The following LRBA variants were observed in gnomAD, a reference collection of about 807,000 sequenced individuals.
LRBA encodes lipopolysaccharide-responsive and beige-like anchor protein.
LRBA carries 176 observed loss-of-function variants against 330.0 expected under a neutral mutation model. The ratio of observed to expected loss-of-function variants is 0.53; its 90% CI spans 0.47 to 0.60. LRBA has a LOEUF of 0.60. LRBA is among the 20% of genes least tolerant of loss of function. The pLI is 0.00. For missense variants in LRBA, 3,259 were observed against 3,444.8 expected (o/e 0.95, Z 1.35); for synonymous variants, 1,230 against 1,193.0 (o/e 1.03, Z -0.64).
Position 150,844,757 on chromosome 4 carries a change from A to C in LRBA, c.4362T>G (p.Asn1454Lys). ...LRLVCAVAVR[N>K]CLECQQHSQL... ...GTGAATGCTGTTGACACTCCAAGCA[A>C]TTCCTTACTGCGACTGCACAAACTG... Residue 1454 changes from asparagine to lysine, a missense_variant, in exon 27 of 57, where the codon AAT becomes AAG. By Grantham distance (94) the Asn-to-Lys change is moderately conservative (BLOSUM62 0). Transcript: ENST00000651943. 1 of 1,613,212 alleles carries C rather than the reference A, an allele frequency of 6.2e-7. No homozygotes were observed.
intron 48 of LRBA, among the ~76,000 whole-genome samples, chr4:150,330,070 C>A (rs546308542): frequency 6.6e-6 from 1 of 152,278 alleles, no homozygotes; most frequent in East Asian, 1.9e-4. Flanking sequence ...TCAAGTGATT[C>A]CAGTAATTAA....
At position 150,936,049 on chromosome 4, in the gene LRBA, C is replaced by CA. The variant is rs879800495; in HGVS notation, c.217-6985dup. 7.6e-3 allele frequency among the ~76,000 whole-genome samples: 1,056 copies of CA among 139,634 alleles called. 8 individuals are homozygous for CA. The highest frequency in any genetic ancestry group is 0.026 in the African/African-American group (1,006 of 38,050). The allele number at this position is 139,634 out of a possible 152,430, so 91.6% of individuals were successfully genotyped here. ...TAGGAAGACATGAACAGTCAATTCA[C>CA]AAAAAAAAAATCCAAATGACACTTG... On this transcript the variant is annotated intron_variant, in intron 2 of 56. Transcript: ENST00000651943.
At chr4:151,006,116 C>A (rs777147957) in intron 2 of LRBA, among the ~76,000 whole-genome samples, 53 of 152,114 alleles carry the variant, frequency 3.5e-4, no homozygotes, top group Non-Finnish European at 5.1e-4. Flanking sequence ...CCAAGGCAGG[C>A]GGATCACCTA....
chr4:150,811,968 G>A lies in LRBA; in HGVS notation c.5306-3570C>T, dbSNP rs181346931. Reference sequence around the variant, plus strand: ...ATTCTAAAAGAGAATATAGCAGAAAGAGATTTTTTACAGTGTCTTAAGTCA... The same window carrying A: ...ATTCTAAAAGAGAATATAGCAGAAAAAGATTTTTTACAGTGTCTTAAGTCA... On this transcript the variant is annotated intron_variant, in intron 31 of 56. Coordinates refer to ENST00000651943, the MANE Select transcript of LRBA (RefSeq NM_001364905.1). Among the ~76,000 whole-genome samples, 231 of 152,180 alleles carry A rather than the reference G, an allele frequency of 1.5e-3. 1 individual carries two copies. The highest frequency in any genetic ancestry group is 5.2e-3 in the African/African-American group (217 of 41,528).
intron 2 of LRBA, among the ~76,000 whole-genome samples, chr4:150,967,332 C>CA (rs746958687): frequency 1.3e-5 from 2 of 152,180 alleles, no homozygotes; most frequent in African/African-American, 2.4e-5. Context: ...TCTCACTTCC[C>CA]ATGTTGTCCC....
chr4:150,635,733 A>G (rs1327959530), intron 37 of LRBA, among the ~76,000 whole-genome samples: 1 of 152,212 alleles, frequency 6.6e-6, no homozygotes, highest in Non-Finnish European at 1.5e-5. Context: ...AAAGTCAGGA[A>G]ACTAAAACTG....
intron 22 of LRBA, among the ~76,000 whole-genome samples, chr4:150,859,568 C>T (rs1418124801): frequency 1.3e-5 from 2 of 152,052 alleles, no homozygotes; most frequent in Non-Finnish European, 2.9e-5. Flanking sequence ...ATCAAAGTAA[C>T]CAACATAGTG....
intron 33 of LRBA, among the ~76,000 whole-genome samples, chr4:150,804,125 T>C (rs1174274779): frequency 6.6e-6 from 1 of 152,176 alleles, no homozygotes; most frequent in Non-Finnish European, 1.5e-5. Flanking sequence ...GACTCTTCAA[T>C]TTTTAAAATT....
intron 52 of LRBA, 83 bp from the exon 53 acceptor site, chr4:150,302,875 G>A (rs1395041808): frequency 8.0e-6 from 8 of 1,004,456 alleles, no homozygotes; most frequent in African/African-American, 1.7e-5. Flanking sequence ...AAACAACGAA[G>A]CTATATGAAC....
At chr4:150,444,753 G>A (rs910947363) in intron 44 of LRBA, among the ~76,000 whole-genome samples, 4 of 152,050 alleles carry the variant, frequency 2.6e-5, no homozygotes, top group African/African-American at 4.8e-5. Flanking sequence ...ACACCATTTC[G>A]ATTTAACAAA....
chr4:150,960,268 C>T (rs1029897649), intron 2 of LRBA, among the ~76,000 whole-genome samples: 5 of 148,796 alleles, frequency 3.4e-5, no homozygotes, highest in Non-Finnish European at 7.4e-5. Context: ...GATGACAGAA[C>T]ACAGCACCAC....
chr4:150,825,500 G>A (rs1158852656), intron 30 of LRBA, among the ~76,000 whole-genome samples: 4 of 152,180 alleles, frequency 2.6e-5, no homozygotes, highest in Non-Finnish European at 4.4e-5. Context: ...CCAAATAGCT[G>A]GGATTACAGG....
chr4:150,470,617 T>C (rs573589758), intron 43 of LRBA, among the ~76,000 whole-genome samples: 20 of 152,174 alleles, frequency 1.3e-4, no homozygotes, highest in African/African-American at 4.6e-4. Flanking sequence ...AAAATCATCA[T>C]CTTTCCCTAG....
At chr4:150,855,952 A>G (rs1384277412) in intron 22 of LRBA, among the ~76,000 whole-genome samples, 2 of 152,204 alleles carry the variant, frequency 1.3e-5, no homozygotes, top group African/African-American at 4.8e-5. Flanking sequence ...ATGTAAAGCC[A>G]TTTCTGGGAA....
chr4:150,638,595 T>G (rs1018071253), intron 37 of LRBA, among the ~76,000 whole-genome samples: 55 of 151,342 alleles, frequency 3.6e-4, no homozygotes, highest in African/African-American at 1.3e-3. Flanking sequence ...AAAAAACACA[T>G]GAAAAAATGC....
At chr4:150,912,519 T>C (rs1400784479) in intron 9 of LRBA, among the ~76,000 whole-genome samples, 2 of 152,222 alleles carry the variant, frequency 1.3e-5, no homozygotes, top group Non-Finnish European at 2.9e-5. Flanking sequence ...GTCGTATAAT[T>C]ATTTCATTAT....
intron 37 of LRBA, among the ~76,000 whole-genome samples, chr4:150,618,695 A>G (rs1454220665): frequency 6.6e-6 from 1 of 152,078 alleles, no homozygotes; most frequent in Non-Finnish European, 1.5e-5. Context: ...TAGTCAGTTC[A>G]TTAGTTTTAC....
At position 150,354,557 on chromosome 4, in the gene LRBA, T is replaced by C. The variant is rs537903062; in HGVS notation, c.7195-4398A>G. Among the ~76,000 whole-genome samples the C allele has an allele frequency of 5.3e-5, 8 of 152,260 alleles. No individual in the cohort carries two copies. The South Asian group carries it at 1.7e-3, about 32-fold the overall frequency. On this transcript the variant is annotated intron_variant, in intron 47 of 56. Coordinates refer to ENST00000651943, the MANE Select transcript of LRBA (RefSeq NM_001364905.1). Reference sequence around the variant, plus strand: ...TAAAATGTCCAACACAATATAATAATATTCAACTCATCTGAGTTATTATAA... The same window carrying C: ...TAAAATGTCCAACACAATATAATAACATTCAACTCATCTGAGTTATTATAA...
At chr4:150,941,541 A>C (rs1735679778) in intron 2 of LRBA, among the ~76,000 whole-genome samples, 1 of 152,240 alleles carries the variant, frequency 6.6e-6, no homozygotes, top group Non-Finnish European at 1.5e-5. Context: ...TATCGTGGTA[A>C]TACAATCCAG....
Sources: allele counts gnomAD v4.1 joint callset (sites outside exome capture counted in the v4.1 genomes callset), GRCh38; gene constraint gnomAD v4.1.1; transcripts MANE v1.5; gene names NCBI Gene and HGNC (gene_info 2026-07-23, HGNC 2026-07-21).